ABCA7: variants seen among roughly 807,000 people sequenced by gnomAD.
ABCA7 encodes the protein phospholipid-transporting ATPase ABCA7.
In ABCA7, 261 loss-of-function variants were observed where a neutral mutation model predicts 227.6. That is an observed-to-expected ratio of 1.15 (90% CI 1.04 to 1.27). ABCA7 has a LOEUF of 1.27. ABCA7 is among the 50% of genes most tolerant of loss of function. The pLI is 0.00. For missense variants in ABCA7, 3,331 were observed against 2,924.5 expected, an observed-to-expected ratio of 1.14 and a Z score of -3.21; for synonymous variants, 1,488 against 1,279.7, an observed-to-expected ratio of 1.16 and a Z score of -3.47.
intron 7 of ABCA7, 74 bp downstream of exon 7, chr19:1,042,900 G>T: frequency 6.6e-7 from 1 of 1,516,968 alleles, no homozygotes; most frequent in South Asian, 1.3e-5. Context: ...AGGGTCTGGG[G>T]CAGCCCGGGC....
Position 1,051,519 on chromosome 19 carries a change from G to T in ABCA7, c.2895G>T (p.Glu965Asp). 3.7e-6 allele frequency: 6 copies of T among 1,612,710 alleles called. No homozygotes were observed. Among genetic ancestry groups the T allele is most frequent in the South Asian group, 1.1e-5 (1 of 91,086 alleles). Residue 965 changes from glutamate (E) to aspartate (D), a missense_variant, in exon 21 of 47, where the codon GAG (glutamate) becomes GAT (aspartate). By Grantham distance (45) the Glu-to-Asp change is conservative. Transcript: ENST00000263094. The part of the protein sequence containing the change: ...VGGSQVVILD[E>D]PTAGVDPASR... The stretch of plus-strand genomic sequence containing the variant: ...GCTCCCAAGTTGTTATCCTGGACGA[G>T]CCTACGGCTGGCGTGGATCCTGCTT...
In ABCA7 at chr19:1,047,674, G is replaced by T. The variant is rs1338750743; in HGVS notation, c.2269+20G>T. ...GCCCAGGTGGGCCGTAGGGGGCGGG[G>T]CTCCGGGCCGGGTCGCACCTGCTTT... On this transcript the variant is annotated intron_variant, in intron 16 of 46. Coordinates refer to ENST00000263094, the MANE Select transcript of ABCA7 (RefSeq NM_019112.4). The T allele has an allele frequency of 6.4e-7, 1 of 1,570,734 alleles. No homozygotes were observed. The highest frequency in any genetic ancestry group is 8.6e-7 in the Non-Finnish European group (1 of 1,162,286).
chr19:1,043,371 C>T lies in ABCA7; in HGVS notation c.828C>T (p.Ser276=). 1.2e-6 allele frequency: 2 copies of T among 1,613,174 alleles called. No individual in the cohort carries two copies. The highest frequency in any genetic ancestry group is 1.1e-5 in the South Asian group (1 of 91,086). The change falls in exon 9 of 47, where the codon AGC becomes AGT. Residue 276 remains serine (S), a synonymous_variant. Transcript: ENST00000263094. The part of the protein sequence containing the change: ...ACSELIGALD[S]HPLSRLLWRR... ...CGGAGCTGATTGGAGCCCTGGACAG[C>T]CACCCGCTGTCCCGCCTGCTCTGGA...
chr19:1,041,078 C>T (rs1165779099), intron 1 of ABCA7, 147 bp from the exon 2 acceptor site: 1 of 532,956 alleles, frequency 1.9e-6, no homozygotes, highest in Non-Finnish European at 3.4e-6. Flanking sequence ...CTTTAAGTCC[C>T]CAGCTGTCAG....
chr19:1,052,101 G>A lies in ABCA7; in HGVS notation c.3122G>A (p.Arg1041His), dbSNP rs778906099. 25 of 1,612,066 alleles carry A rather than the reference G, an allele frequency of 1.6e-5. No individual in the cohort carries two copies. Among genetic ancestry groups the A allele is most frequent in the African/African-American group, 2.7e-5 (2 of 74,818 alleles). Residue 1041 changes from arginine (R) to histidine (H), a missense_variant, in exon 22 of 47, where the codon CGC becomes CAC. By Grantham distance (29) the Arg-to-His change is conservative (BLOSUM62 0). Transcript: ENST00000263094. ...SGYYLTLVKA[R>H]LPLTTNEKAD... ...TACTACCTGACGCTGGTGAAGGCCCGCCTGCCCCTGACCACCAATGAGAAG... is the reference window on the plus strand; with the variant it reads ...TACTACCTGACGCTGGTGAAGGCCCACCTGCCCCTGACCACCAATGAGAAG...
chr19:1,053,282 G>T, intron 23 of ABCA7, 47 bp from the exon 24 acceptor site: 1 of 1,565,336 alleles, frequency 6.4e-7, no homozygotes, highest in Non-Finnish European at 8.7e-7. Context: ...GGAGACTGGG[G>T]TGGGGCGTGA....
chr19:1,053,667 G>A (rs2041985824), intron 24 of ABCA7, 121 bp from the exon 25 acceptor site: 1 of 1,521,030 alleles, frequency 6.6e-7, no homozygotes, highest in Non-Finnish European at 9.0e-7. Flanking sequence ...AGGAGCTCTG[G>A]TGGCTCAGAT....
rs139694121 is a variant in ABCA7 at position 1,062,226 on chromosome 19, C to T, written c.5625C>T (p.Ser1875=). ...AHLSMGYCPQ[S]DAIFELLTGR... is the part of the protein sequence containing the mutation. ...TCAGCATGGGATACTGCCCTCAATCCGATGCCATCTTTGAGCTGCTGACGG... is the reference window on the plus strand; with the variant it reads ...TCAGCATGGGATACTGCCCTCAATCTGATGCCATCTTTGAGCTGCTGACGG... Residue 1875 remains serine, a synonymous_variant, in exon 42 of 47, where the codon TCC becomes TCT. Coordinates refer to ENST00000263094, the MANE Select transcript of ABCA7 (RefSeq NM_019112.4). 7.6e-5 allele frequency: 123 copies of T among 1,612,430 alleles called. No homozygotes were observed. The East Asian group carries it at 2.6e-3, about 34-fold the overall frequency.
chr19:1,063,900 G>A, intron 44 of ABCA7, 37 bp downstream of exon 44: 1 of 1,499,778 alleles, frequency 6.7e-7, no homozygotes. Context: ...TGTGGTTAAG[G>A]TGATCCAGGC....
chr19:1,040,691 CTT>C (rs2144660022), intron 1 of ABCA7, among the ~76,000 whole-genome samples: 1 of 152,298 alleles, frequency 6.6e-6, no homozygotes, highest in East Asian at 1.9e-4. Context: ...TCGCCTGACT[CTT>C]TCTCTGGCTC....
rs779501556 is a variant in ABCA7 at position 1,046,404 on chromosome 19, CGT to C, written c.1622+2_1622+3del. 5.8e-5 allele frequency: 90 copies of C among 1,544,054 alleles called. No homozygotes were observed. The highest frequency in any genetic ancestry group is 7.1e-5 in the Non-Finnish European group (82 of 1,147,420). On this transcript the variant is annotated frameshift_variant and splice_region_variant, in exon 13 of 47. Coordinates refer to ENST00000263094, the MANE Select transcript of ABCA7 (RefSeq NM_019112.4). LOFTEE classifies it high-confidence loss of function. The part of the protein sequence containing the change: ...QMPYPCYVDD[V>X]FLRVLSRSLP... ...TGCCCTATCCGTGCTATGTGGACGA[CGT>C]GTGAGCTCTGGCACCCCTCCCCGCT...
At chr19:1,060,217 C>CT (rs1207598389) in intron 40 of ABCA7, among the ~76,000 whole-genome samples, 2 of 117,898 alleles carry the variant, frequency 1.7e-5, no homozygotes, top group Non-Finnish European at 1.7e-5. Flanking sequence ...ATTTTTTTTT[C>CT]TTTTTTTTTC....
At position 1,044,622 on chromosome 19, in the gene ABCA7, G is replaced by A; in HGVS notation, c.1093G>A (p.Gly365Arg). The change falls in exon 11 of 47, where the codon GGA becomes AGA. Residue 365 changes from glycine to arginine, a missense_variant. Coordinates refer to ENST00000263094, the MANE Select transcript of ABCA7 (RefSeq NM_019112.4). ...QDEGRRQPRPGGRDHMEALRS... is the reference protein window; with the variant it reads ...QDEGRRQPRPRGRDHMEALRS... Reference sequence around the variant, plus strand: ...TGAAGGAAGAAGGCAGCCCAGACCTGGAGGCCGGGACCACATGGAGGCCCT... The same window carrying A: ...TGAAGGAAGAAGGCAGCCCAGACCTAGAGGCCGGGACCACATGGAGGCCCT... The A allele has an allele frequency of 6.2e-7, 1 of 1,613,272 alleles. No individual in the cohort carries two copies. Among genetic ancestry groups the A allele is most frequent in the Non-Finnish European group, 8.5e-7 (1 of 1,179,966 alleles).
chr19:1,064,260 C>T lies in ABCA7; in HGVS notation c.6044+7C>T. 1 of 1,552,594 alleles carries T rather than the reference C, an allele frequency of 6.4e-7. No homozygotes were observed. The highest frequency in any genetic ancestry group is 1.2e-5 in the South Asian group (1 of 84,266). On this transcript the variant is annotated splice_region_variant and intron_variant, in intron 45 of 46. Transcript: ENST00000263094. ...CGCAACATCTCAAGGGCAGGTGAGCCGGCGCGGCCTCCAGGCAGGTGTGGG... is the reference window on the plus strand; with the variant it reads ...CGCAACATCTCAAGGGCAGGTGAGCTGGCGCGGCCTCCAGGCAGGTGTGGG...
In ABCA7 at chr19:1,057,034, G is replaced by A. The variant is rs1386971780; in HGVS notation, c.4714G>A (p.Gly1572Arg). 6.2e-7 allele frequency: 1 copy of A among 1,613,740 alleles called. No individual in the cohort carries two copies. The highest frequency in any genetic ancestry group is 1.1e-5 in the South Asian group (1 of 91,086). ...CCGAGCCAAGCACCTGCAGCTCATGGGGGGCCTGTCCCCCACCCTCTACTG... is the reference window on the plus strand; with the variant it reads ...CCGAGCCAAGCACCTGCAGCTCATGAGGGGCCTGTCCCCCACCCTCTACTG... ...VTRAKHLQLM[G>R]GLSPTLYWLG... The change falls in exon 34 of 47, where the codon GGG becomes AGG. Residue 1572 changes from glycine (G) to arginine (R), a missense_variant. By Grantham distance (125) the Gly-to-Arg change is moderately radical. Coordinates refer to ENST00000263094, the MANE Select transcript of ABCA7 (RefSeq NM_019112.4).
At position 1,065,088 on chromosome 19, in the gene ABCA7, G is replaced by A. The variant is rs770183306; in HGVS notation, c.6202G>A (p.Ala2068Thr). The A allele has an allele frequency of 5.7e-6, 9 of 1,574,690 alleles. No individual in the cohort carries two copies. Among genetic ancestry groups the A allele is most frequent in the Non-Finnish European group, 6.0e-6 (7 of 1,161,338 alleles). The change falls in exon 46 of 47, where the codon GCG (alanine) becomes ACG (threonine). Residue 2068 changes from alanine (A) to threonine (T), a missense_variant. Ala to Thr is a moderately conservative substitution (Grantham distance 58). Transcript: ENST00000263094. ...QLPPGGRCALARVFGELAVHG... is the reference protein window; with the variant it reads ...QLPPGGRCALTRVFGELAVHG... ...GCCGCCGGGAGGGCGCTGCGCCCTG[G>A]CGCGCGTCTTTGGAGAGCTGGCGGT...
At chr19:1,049,984 AACCACTCCCTCCCTGTGAGCCCCCC>A (rs1348613508) in intron 18 of ABCA7, among the ~76,000 whole-genome samples, 1 of 52,648 alleles carries the variant, frequency 1.9e-5, no homozygotes, top group African/African-American at 1.2e-4. Flanking sequence ...GAGCCGCCCA[AACCACTCCCTCCCTGTGAGCCCCCC>A]ACCACTTCCT....
chr19:1,052,847 G>A (rs2041895330), intron 23 of ABCA7, among the ~76,000 whole-genome samples: 1 of 151,872 alleles, frequency 6.6e-6, no homozygotes, highest in Admixed American at 6.6e-5. Context: ...GCTGAGCCCA[G>A]AGACAAACCT....
In ABCA7 at chr19:1,054,436, T is replaced by C. The variant is rs1044430858; in HGVS notation, c.3726+95T>C. ...GGCCTAATCCAAACCCTTACCCCCG[T>C]GTGTATTCCCAACCCAAAGCACATT... On this transcript the variant is annotated intron_variant, in intron 27 of 46. Transcript: ENST00000263094. The surrounding 1 kb of genome is among the most constrained non-coding windows in gnomAD (Gnocchi z 4.8). The C allele has an allele frequency of 3.2e-6, 5 of 1,550,186 alleles. No individual in the cohort carries two copies. The African/African-American group carries it at 5.4e-5, about 17-fold the overall frequency.
Sources: gnomAD v4.1 joint callset for allele counts (sites outside exome capture counted in the v4.1 genomes callset) on GRCh38, gnomAD v4.1.1 for gene constraint, Gnocchi (gnomAD v3.1) non-coding constraint, MANE v1.5 for transcripts, NCBI Gene and HGNC (gene_info 2026-07-23, HGNC 2026-07-21) for gene names.